The following NHSL1 variants were observed in gnomAD, a reference collection of about 807,000 sequenced individuals.
NHSL1 encodes the protein NHS-like protein 1.
Under a neutral mutation model 95.0 loss-of-function variants are expected in NHSL1, and 48 were observed. That is an observed-to-expected ratio of 0.51 (90% CI 0.40 to 0.64). NHSL1 has a LOEUF of 0.64. Among genes scored for constraint, NHSL1 ranks in the 30% least tolerant of loss-of-function variants. NHSL1 has a pLI of 0.00. For missense variants in NHSL1, 1,971 were observed against 2,077.7 expected (o/e 0.95, Z 1.00); for synonymous variants, 783 against 833.9 (o/e 0.94, Z 1.05).
At chr6:138,519,870 A>G (rs1457396814) in intron 1 of NHSL1, among the ~76,000 whole-genome samples, 4 of 152,178 alleles carry the variant, frequency 2.6e-5, no homozygotes, top group African/African-American at 9.7e-5. Flanking sequence ...TTAAAAATAC[A>G]TATTTGAGAG....
chr6:138,666,267 T>C (rs1190135756), intron 1 of NHSL1, among the ~76,000 whole-genome samples: 1 of 151,188 alleles, frequency 6.6e-6, no homozygotes, highest in Non-Finnish European at 1.5e-5. Context: ...TGTGCCATTG[T>C]ACTCCAGCCT....
At chr6:138,440,645 G>T (rs1181681069) in intron 5 of NHSL1, among the ~76,000 whole-genome samples, 3 of 152,248 alleles carry the variant, frequency 2.0e-5, no homozygotes, top group Admixed American at 6.5e-5. Flanking sequence ...AAAGTGGATG[G>T]CAGTAAAGGA....
intron 1 of NHSL1, among the ~76,000 whole-genome samples, chr6:138,632,972 G>A (rs1210338406): frequency 6.6e-6 from 1 of 151,928 alleles, no homozygotes; most frequent in African/African-American, 2.4e-5. Context: ...ACACAGAAAA[G>A]GAATCAGAAT....
intron 1 of NHSL1, among the ~76,000 whole-genome samples, chr6:138,509,683 T>G (rs115913182): frequency 0.055 from 8,401 of 152,248 alleles, 280 homozygotes; most frequent in Admixed American, 0.1. Flanking sequence ...CAAAAGAATA[T>G]CCTTGTCTTC....
chr6:138,483,923 C>A (rs187488005), intron 2 of NHSL1, among the ~76,000 whole-genome samples: 35 of 152,188 alleles, frequency 2.3e-4, no homozygotes, highest in Admixed American at 1.4e-3. Context: ...CATTGGTCAC[C>A]CAGGTAGATT....
At chr6:138,560,909 A>G (rs777923304) in intron 1 of NHSL1, among the ~76,000 whole-genome samples, 4 of 152,228 alleles carry the variant, frequency 2.6e-5, no homozygotes, top group Non-Finnish European at 4.4e-5. Context: ...TGTATCGACA[A>G]TAAAATATAC....
At chr6:138,681,360 A>C (rs1440779537) in intron 1 of NHSL1, among the ~76,000 whole-genome samples, 1 of 152,236 alleles carries the variant, frequency 6.6e-6, no homozygotes, top group Non-Finnish European at 1.5e-5. Context: ...TTGTGTATGC[A>C]TATTTTTTAA....
chr6:138,558,695 A>AGGCT (rs1562369984), intron 1 of NHSL1, among the ~76,000 whole-genome samples: 14 of 152,314 alleles, frequency 9.2e-5, no homozygotes, highest in Middle Eastern at 3.4e-3. Flanking sequence ...CTGGGATTAC[A>AGGCT]GGCACGAGCT....
intron 1 of NHSL1, among the ~76,000 whole-genome samples, chr6:138,506,083 A>G (rs1387540576): frequency 5.9e-5 from 9 of 152,188 alleles, no homozygotes; most frequent in African/African-American, 2.2e-4. Flanking sequence ...AGCACAACCC[A>G]TGCATTCTGG....
intron 3 of NHSL1, among the ~76,000 whole-genome samples, chr6:138,450,199 C>A (rs963599695): frequency 6.6e-6 from 1 of 152,126 alleles, no homozygotes; most frequent in African/African-American, 2.4e-5. Flanking sequence ...TGTGCACACA[C>A]ACACACACAC....
At chr6:138,654,414 C>T (rs187583022) in intron 1 of NHSL1, among the ~76,000 whole-genome samples, 52 of 152,164 alleles carry the variant, frequency 3.4e-4, no homozygotes, top group Middle Eastern at 3.4e-3. Context: ...ATCCTTTGAC[C>T]CAGCAATTCT....
At chr6:138,519,012 T>G (rs1057385853) in intron 1 of NHSL1, among the ~76,000 whole-genome samples, 1 of 151,688 alleles carries the variant, frequency 6.6e-6, no homozygotes, top group Non-Finnish European at 1.5e-5. Flanking sequence ...AGCAAGACAC[T>G]GTCTCAAAAA....
At chr6:138,434,430 A>C (rs867407825) in intron 5 of NHSL1, among the ~76,000 whole-genome samples, 25 of 151,908 alleles carry the variant, frequency 1.6e-4, no homozygotes, top group African/African-American at 4.8e-4. Flanking sequence ...AAAAGACAGA[A>C]AGAAAGAAAC....
chr6:138,677,826 T>G (rs189850360), intron 1 of NHSL1, among the ~76,000 whole-genome samples: 10 of 152,316 alleles, frequency 6.6e-5, no homozygotes, highest in Admixed American at 5.2e-4. Flanking sequence ...CCAGTGATTC[T>G]GATTTAGTAG....
At chr6:138,676,976 C>G (rs1233258202) in intron 1 of NHSL1, among the ~76,000 whole-genome samples, 1 of 152,186 alleles carries the variant, frequency 6.6e-6, no homozygotes, top group Non-Finnish European at 1.5e-5. Flanking sequence ...TTTTATCAAA[C>G]TGTTTCAATC....
At chr6:138,458,621 G>A (rs1337553751) in intron 3 of NHSL1, among the ~76,000 whole-genome samples, 1 of 152,164 alleles carries the variant, frequency 6.6e-6, no homozygotes, top group African/African-American at 2.4e-5. Context: ...AAGGTCAGGA[G>A]ATCGAGACCA....
intron 1 of NHSL1, among the ~76,000 whole-genome samples, chr6:138,653,350 T>C (rs762868590): frequency 1.1e-4 from 16 of 152,066 alleles, no homozygotes; most frequent in Admixed American, 5.9e-4. Context: ...GGTCAAGGGA[T>C]CAAGACCATC....
chr6:138,545,768 T>C (rs768498604), upstream of NHSL1: 2 of 1,208,288 alleles, frequency 1.7e-6, no homozygotes, highest in Non-Finnish European at 2.1e-6. Flanking sequence ...CAGCGCCTGT[T>C]ACTCCAGGAA....
intron 1 of NHSL1, among the ~76,000 whole-genome samples, chr6:138,685,714 T>C (rs1239278344): frequency 6.6e-6 from 1 of 152,066 alleles, no homozygotes; most frequent in Non-Finnish European, 1.5e-5. Flanking sequence ...AATTTTTTAA[T>C]GTAAAGAGTC....
Sources: gnomAD v4.1 joint callset for allele counts (sites outside exome capture counted in the v4.1 genomes callset) on GRCh38, gnomAD v4.1.1 for gene constraint, MANE v1.5 for transcripts, NCBI Gene and HGNC (gene_info 2026-07-23, HGNC 2026-07-21) for gene names.